Variants in SFTPD observed in about 807,000 individuals in gnomAD.
SFTPD encodes pulmonary surfactant-associated protein D.
SFTPD carries 18 observed loss-of-function variants against 34.6 expected under a neutral mutation model. That is an observed-to-expected ratio of 0.52 (90% CI 0.36 to 0.77). SFTPD has a LOEUF of 0.77. Ranked by LOEUF, SFTPD falls within the 30% of genes least tolerant of loss-of-function variation. The pLI is 0.00. For missense variants in SFTPD, 433 were observed against 468.9 expected, an observed-to-expected ratio of 0.92 and a Z score of 0.71; for synonymous variants, 155 against 180.9, an observed-to-expected ratio of 0.86 and a Z score of 1.15.
At chr10:79,947,281 C>T (rs951146187) in intron 1 of SFTPD, among the ~76,000 whole-genome samples, 7 of 152,186 alleles carry the variant, frequency 4.6e-5, no homozygotes, top group African/African-American at 1.4e-4. Flanking sequence ...GGTGCTGTCT[C>T]TAGAGAAAAG....
chr10:79,979,443 A>G (rs1018964797), intron 1 of SFTPD, among the ~76,000 whole-genome samples: 2 of 152,348 alleles, frequency 1.3e-5, no homozygotes, highest in Non-Finnish European at 2.9e-5. Context: ...TGAATTGCCT[A>G]CACTACCCCC....
In SFTPD at chr10:79,942,058, G is replaced by A; in HGVS notation, c.446C>T (p.Ala149Val). ...CCCTGCCGAGCCCTGCATGCCTGGGGCACCTACTTCTCCTGAAGAAGGAAC... is the reference window on the plus strand; with the variant it reads ...CCCTGCCGAGCCCTGCATGCCTGGGACACCTACTTCTCCTGAAGAAGGAAC... ...GEAGPKGEVGAPGMQGSAGAR... is the reference protein window; with the variant it reads ...GEAGPKGEVGVPGMQGSAGAR... The change falls in exon 5 of 8, where the codon GCC becomes GTC. Residue 149 changes from alanine (A) to valine (V), a missense_variant. By Grantham distance (64) the Ala-to-Val change is moderately conservative. Transcript: ENST00000372292. 10 of 1,611,416 alleles carry A rather than the reference G, an allele frequency of 6.2e-6. No homozygotes were observed. Among genetic ancestry groups the A allele is most frequent in the Non-Finnish European group, 8.5e-6 (10 of 1,178,034 alleles).
chr10:79,963,257 T>G (rs1455554944), intron 1 of SFTPD, among the ~76,000 whole-genome samples: 1 of 151,606 alleles, frequency 6.6e-6, no homozygotes, highest in Non-Finnish European at 1.5e-5. Flanking sequence ...TCTGGGAGGC[T>G]GGAGGATCAA....
upstream of SFTPD, among the ~76,000 whole-genome samples, chr10:79,952,828 C>T (rs1018114983): frequency 1.3e-5 from 2 of 152,134 alleles, no homozygotes; most frequent in African/African-American, 4.8e-5. Context: ...AGCTGGCCAC[C>T]CAATGCTCTG....
chr10:79,957,527 A>T (rs961382370), intron 1 of SFTPD, among the ~76,000 whole-genome samples: 2 of 152,266 alleles, frequency 1.3e-5, no homozygotes, highest in Admixed American at 6.5e-5. Context: ...AGCTGATGCG[A>T]TCAACTGGAA....
intron 2 of SFTPD, among the ~76,000 whole-genome samples, chr10:79,945,568 G>C (rs1056000947): frequency 1.3e-5 from 2 of 152,190 alleles, no homozygotes; most frequent in African/African-American, 4.8e-5. Flanking sequence ...TTCCCTACAA[G>C]CGGGGAGCAG....
rs566187816 is a variant in SFTPD, at chr10:79,958,042, G to A, written c.37-11380C>T. 6.0e-3 allele frequency among the ~76,000 whole-genome samples: 918 copies of A among 152,248 alleles called. 2 individuals carry two copies. The highest frequency in any genetic ancestry group is 8.5e-3 in the Non-Finnish European group (575 of 68,026). Reference sequence around the variant, plus strand: ...TTTTCAACCCAGAATTTCATATCCAGTCAAACTAAGCTTCATAAGTGAAGG... The same window carrying A: ...TTTTCAACCCAGAATTTCATATCCAATCAAACTAAGCTTCATAAGTGAAGG... On this transcript the variant is annotated intron_variant, in intron 1 of 5. Coordinates refer to the SFTPD transcript ENST00000444384.
intron 1 of SFTPD, among the ~76,000 whole-genome samples, chr10:79,981,320 A>G (rs747885590): frequency 6.6e-6 from 1 of 152,226 alleles, no homozygotes; most frequent in South Asian, 2.1e-4. Context: ...AATTTATAAA[A>G]TAGCTTCAAA....
At chr10:79,971,160 T>C (rs1842832375) in intron 1 of SFTPD, 1 of 152,200 alleles carries the variant, frequency 6.6e-6, no homozygotes, top group Non-Finnish European at 1.5e-5. Context: ...AAGTGTTATG[T>C]ATCATGTTGA....
intron 1 of SFTPD, among the ~76,000 whole-genome samples, chr10:79,955,058 A>T (rs1842730961): frequency 6.6e-6 from 1 of 152,200 alleles, no homozygotes; most frequent in Non-Finnish European, 1.5e-5. Context: ...TTGGGCCTCC[A>T]GAGCTTGGGG....
At chr10:79,939,860 G>C (rs1321963532) in intron 7 of SFTPD, among the ~76,000 whole-genome samples, 1 of 152,182 alleles carries the variant, frequency 6.6e-6, no homozygotes, top group Non-Finnish European at 1.5e-5. Context: ...AGGCGGAGGA[G>C]AGTAGGGGCA....
In SFTPD at chr10:79,937,904, T is replaced by C; in HGVS notation, c.1076A>G (p.Lys359Arg). ...TTCTCCACAAGCCCTGTCATTCCAC[T>C]TGCCATTGGTGAAGATCTCCACACA... ...EDCVEIFTNG[K>R]WNDRACGEKR... is the part of the protein sequence containing the mutation. Residue 359 changes from lysine to arginine, a missense_variant, in exon 8 of 8, where the codon AAG (lysine) becomes AGG (arginine). Transcript: ENST00000372292. The C allele has an allele frequency of 6.3e-7, 1 of 1,585,166 alleles. No homozygotes were observed. Among genetic ancestry groups the C allele is most frequent in the South Asian group, 1.1e-5 (1 of 87,668 alleles).
At chr10:79,938,796 T>G (rs751756184) in intron 7 of SFTPD, among the ~76,000 whole-genome samples, 1 of 152,190 alleles carries the variant, frequency 6.6e-6, no homozygotes, top group Admixed American at 6.5e-5. Context: ...ATCTGAAAGC[T>G]GTCAGATGCT....
chr10:79,973,078 AC>A (rs1309441576), intron 1 of SFTPD: 8 of 152,028 alleles, frequency 5.3e-5, no homozygotes, highest in Admixed American at 1.3e-4. Flanking sequence ...AGTAAAAGTT[AC>A]AATAGCCCCT....
intron 1 of SFTPD, among the ~76,000 whole-genome samples, chr10:79,974,916 T>C (rs1274948465): frequency 6.6e-6 from 1 of 152,200 alleles, no homozygotes; most frequent in Admixed American, 6.5e-5. Context: ...TAGCATTGTT[T>C]CTATAGACAT....
At chr10:79,942,287 T>C in intron 4 of SFTPD, 101 bp downstream of exon 4, 1 of 834,330 alleles carries the variant, frequency 1.2e-6, no homozygotes, top group Non-Finnish European at 2.0e-6. Flanking sequence ...GCATCAAGGG[T>C]CTGGGCTCTC....
chr10:79,944,164 C>G (rs750759954), intron 2 of SFTPD, among the ~76,000 whole-genome samples: 6 of 152,226 alleles, frequency 3.9e-5, no homozygotes, highest in Admixed American at 1.3e-4. Context: ...AATTCCTCCA[C>G]CCCTTCCAGC....
rs550456400 is a variant in SFTPD, at chr10:79,943,517, G to A, written c.200-638C>T. Among the ~76,000 whole-genome samples the A allele has an allele frequency of 5.3e-5, 8 of 152,270 alleles. No homozygotes were observed. In the South Asian group the frequency reaches 1.7e-3, roughly 32 times the overall value. On this transcript the variant is annotated intron_variant, in intron 2 of 7. Transcript: ENST00000372292. ...GCTTTCTTCTTCAAAGAGAAAGTGG[G>A]ATTTTAAGAGCAAGGAGAATCGAGG...
chr10:79,966,884 A>G (rs61860410), intron 1 of SFTPD, among the ~76,000 whole-genome samples: 10,419 of 147,798 alleles, frequency 0.07, 983 homozygotes, highest in South Asian at 0.22. Context: ...GTCTTTGAAA[A>G]CTGGCACAAG....
Sources: allele counts gnomAD v4.1 joint callset (sites outside exome capture counted in the v4.1 genomes callset), GRCh38; gene constraint gnomAD v4.1.1; transcripts MANE v1.5; gene names NCBI Gene and HGNC (gene_info 2026-07-23, HGNC 2026-07-21).